NADK2: variants seen among roughly 807,000 people sequenced by gnomAD.
The protein encoded by NADK2 is NAD kinase domain-containing protein 1, mitochondrial.
In NADK2, 35 loss-of-function variants were observed where a neutral mutation model predicts 62.1. The observed-to-expected ratio is 0.56, with a 90% CI of 0.43 to 0.75. The LOEUF is 0.75. Among genes scored for constraint, NADK2 ranks in the 30% least tolerant of loss-of-function variants. NADK2 has a pLI of 0.00. For missense variants in NADK2, 439 were observed against 561.3 expected, an observed-to-expected ratio of 0.78 and a Z score of 2.20; for synonymous variants, 205 against 207.9, an observed-to-expected ratio of 0.99 and a Z score of 0.12.
At chr5:36,198,241 C>T (rs2112057267) in intron 10 of NADK2, among the ~76,000 whole-genome samples, 1 of 151,956 alleles carries the variant, frequency 6.6e-6, no homozygotes, top group African/African-American at 2.4e-5. Context: ...GTTGAGAAAA[C>T]TACAAAGATA....
intron 7 of NADK2, 108 bp downstream of exon 7, chr5:36,211,736 C>A: frequency 2.2e-6 from 2 of 905,422 alleles, no homozygotes; most frequent in Non-Finnish European, 3.5e-6. Flanking sequence ...ACTGCCATTA[C>A]TTGCAAAATA....
chr5:36,210,529 G>A (rs1358058802), intron 7 of NADK2, among the ~76,000 whole-genome samples: 2 of 151,946 alleles, frequency 1.3e-5, no homozygotes, highest in African/African-American at 4.8e-5. Flanking sequence ...TGTCAAAAAT[G>A]CCTAGTCCGA....
At chr5:36,197,194 T>G (rs1746261544) in intron 11 of NADK2, among the ~76,000 whole-genome samples, 1 of 152,044 alleles carries the variant, frequency 6.6e-6, no homozygotes, top group Admixed American at 6.6e-5. Context: ...GTTTATTGTG[T>G]TTTTATTCTA....
intron 1 of NADK2, among the ~76,000 whole-genome samples, chr5:36,231,056 T>C (rs1366178247): frequency 6.6e-6 from 1 of 152,202 alleles, no homozygotes; most frequent in Non-Finnish European, 1.5e-5. Flanking sequence ...GTTTGGACAA[T>C]ATGGAACATG....
At position 36,208,522 on chromosome 5, in the gene NADK2, C is replaced by T. The variant is rs1248272204; in HGVS notation, c.861-1257G>A. ...GAGATGCTCAGCCCAAAATAATGAGCAAATTTAGTGTCATTCTCACATGCA... is the reference window on the plus strand; with the variant it reads ...GAGATGCTCAGCCCAAAATAATGAGTAAATTTAGTGTCATTCTCACATGCA... On this transcript the variant is annotated intron_variant, in intron 7 of 11. Coordinates refer to ENST00000381937, the MANE Select transcript of NADK2 (RefSeq NM_001085411.3). 3.4e-5 allele frequency: 27 copies of T among 803,446 alleles called. No homozygotes were observed. The East Asian group carries it at 6.2e-4, about 18-fold the overall frequency. The allele number at this position is 803,446 out of a possible 1,614,324, so 49.8% of individuals were successfully genotyped here. A position where few individuals can be genotyped will look rare whatever the true frequency, so the allele number is the denominator to read the frequency against.
intron 4 of NADK2, among the ~76,000 whole-genome samples, chr5:36,223,363 G>A (rs531588644): frequency 3.3e-5 from 5 of 152,186 alleles, no homozygotes; most frequent in African/African-American, 9.6e-5. Context: ...TTGGAATAAA[G>A]ATTCTGGAGT....
intron 11 of NADK2, among the ~76,000 whole-genome samples, chr5:36,196,189 C>T (rs1431863428): frequency 6.6e-6 from 1 of 152,084 alleles, no homozygotes; most frequent in African/African-American, 2.4e-5. Flanking sequence ...TATTGGATCA[C>T]CGTGTATGCT....
At chr5:36,198,881 G>A (rs1746333067) in intron 10 of NADK2, among the ~76,000 whole-genome samples, 1 of 151,716 alleles carries the variant, frequency 6.6e-6, no homozygotes. Flanking sequence ...AACTATTTTA[G>A]AGGCAAACTG....
chr5:36,225,889 A>T (rs1376688296), intron 3 of NADK2, among the ~76,000 whole-genome samples: 3 of 152,192 alleles, frequency 2.0e-5, no homozygotes, highest in African/African-American at 7.2e-5. Context: ...GTCCCTTTAC[A>T]TACTAGTAGC....
At chr5:36,199,071 G>C (rs930433183) in intron 10 of NADK2, among the ~76,000 whole-genome samples, 1 of 151,778 alleles carries the variant, frequency 6.6e-6, no homozygotes, top group African/African-American at 2.4e-5. Context: ...GGTGGGGGGA[G>C]GAATAGCATT....
At chr5:36,217,389 C>T (rs962572949) in intron 6 of NADK2, among the ~76,000 whole-genome samples, 11 of 151,996 alleles carry the variant, frequency 7.2e-5, no homozygotes, top group Non-Finnish European at 1.2e-4. Context: ...AACTATATAA[C>T]ATGTATAACC....
At chr5:36,197,813 T>C (rs1208010474) in intron 10 of NADK2, 149 bp from the exon 11 acceptor site, 2 of 588,684 alleles carry the variant, frequency 3.4e-6, no homozygotes, top group Admixed American at 4.1e-5. Context: ...ACATATTCCA[T>C]TAAAACACAG....
At chr5:36,199,206 ATAAAAT>A (rs1410127222) in intron 10 of NADK2, among the ~76,000 whole-genome samples, 3 of 152,070 alleles carry the variant, frequency 2.0e-5, no homozygotes, top group African/African-American at 4.8e-5. Flanking sequence ...TATAATAATA[ATAAAAT>A]TAAAAAAAAG....
At chr5:36,235,174 A>G (rs1033351129) in intron 1 of NADK2, among the ~76,000 whole-genome samples, 1 of 152,192 alleles carries the variant, frequency 6.6e-6, no homozygotes, top group African/African-American at 2.4e-5. Context: ...TATTTTCTCT[A>G]TTACTTTGAA....
rs1746172307 is a variant in NADK2 at position 36,194,934 on chromosome 5, A to G, written c.*210T>C. On this transcript the variant is annotated 3_prime_UTR_variant, in exon 12 of 12. Transcript: ENST00000381937. Reference sequence around the variant, plus strand: ...CAATATAAAAATTTCACTGGTATCAATTCTAATTGGTTCAGTCCATCCATT... The same window carrying G: ...CAATATAAAAATTTCACTGGTATCAGTTCTAATTGGTTCAGTCCATCCATT... The G allele has an allele frequency of 4.4e-6, 2 of 454,242 alleles. No homozygotes were observed. Among genetic ancestry groups the G allele is most frequent in the Admixed American group, 4.3e-5 (1 of 23,298 alleles). 28.1% of individuals were successfully genotyped at this position (454,242 alleles called of 1,614,324 possible).
At position 36,199,476 on chromosome 5, in the gene NADK2, C is replaced by CA. The variant is rs1746359983; in HGVS notation, c.1066+750dup. Among the ~76,000 whole-genome samples, 5 of 151,696 alleles carry CA rather than the reference C, an allele frequency of 3.3e-5. 1 individual carries two copies. The South Asian group carries it at 1.0e-3, about 32-fold the overall frequency. On this transcript the variant is annotated intron_variant, in intron 10 of 11. Transcript: ENST00000381937. The stretch of plus-strand genomic sequence containing the variant: ...TTAGGATATCCTTCAATGCAGAGAG[C>CA]AAAAAAAGCTTTACTTTGAGGTGTG...
intron 6 of NADK2, among the ~76,000 whole-genome samples, chr5:36,216,136 G>A (rs186716912): frequency 1.3e-5 from 2 of 152,208 alleles, no homozygotes; most frequent in East Asian, 1.9e-4. Context: ...CATTCTAACT[G>A]GGGAGAGATG....
intron 1 of NADK2, among the ~76,000 whole-genome samples, chr5:36,230,682 C>A (rs1021808041): frequency 1.3e-5 from 2 of 152,138 alleles, no homozygotes; most frequent in Non-Finnish European, 2.9e-5. Context: ...GCAAACCAAC[C>A]CTTAGAACTG....
chr5:36,230,392 C>A (rs1003074362), intron 1 of NADK2, among the ~76,000 whole-genome samples: 5 of 152,238 alleles, frequency 3.3e-5, no homozygotes, highest in African/African-American at 1.2e-4. Context: ...GCAACAGCCA[C>A]CACTGCCAAT....
Sources: gnomAD v4.1 joint callset for allele counts (sites outside exome capture counted in the v4.1 genomes callset) on GRCh38, gnomAD v4.1.1 for gene constraint, MANE v1.5 for transcripts, NCBI Gene and HGNC (gene_info 2026-07-23, HGNC 2026-07-21) for gene names.